Variants in DRICH1 observed in about 807,000 individuals in gnomAD.
DRICH1 encodes aspartate rich 1, also known as aspartate-rich protein 1.
DRICH1 carries 38 observed loss-of-function variants against 39.5 expected under a neutral mutation model. The ratio of observed to expected loss-of-function variants is 0.96; its 90% CI spans 0.74 to 1.26. DRICH1 has a LOEUF of 1.26. DRICH1 is among the 50% of genes most tolerant of loss of function. The pLI is 0.00. For missense variants in DRICH1, 279 were observed against 270.4 expected (o/e 1.03, Z -0.22); for synonymous variants, 84 against 99.5 (o/e 0.84, Z 0.93).
the DRICH1 span, among the ~76,000 whole-genome samples, chr22:23,592,635 A>T: frequency 6.6e-6 from 1 of 152,244 alleles, no homozygotes; most frequent in Non-Finnish European, 1.5e-5. Flanking sequence ...GAAGATGGGC[A>T]GAGAGAGGCT....
the DRICH1 span, among the ~76,000 whole-genome samples, chr22:23,589,089 GACACACACAC>G: frequency 0.11 from 15,364 of 143,876 alleles, 1,095 homozygotes; most frequent in African/African-American, 0.2. Context: ...TCTCCCAGCT[GACACACACAC>G]ACACACACAC....
chr22:23,593,596 C>G, the DRICH1 span, among the ~76,000 whole-genome samples: 2 of 152,170 alleles, frequency 1.3e-5, no homozygotes, highest in African/African-American at 2.4e-5. Context: ...GTCAAGAGAT[C>G]GAGACCATTC....
At chr22:23,599,576 G>A in the DRICH1 span, among the ~76,000 whole-genome samples, 1 of 152,214 alleles carries the variant, frequency 6.6e-6, no homozygotes, top group Non-Finnish European at 1.5e-5. Context: ...TCTCTGAGAT[G>A]ATCCCTCAGG....
At chr22:23,612,246 G>GTT (rs1569087303) in intron 11 of DRICH1, among the ~76,000 whole-genome samples, 5 of 151,892 alleles carry the variant, frequency 3.3e-5, no homozygotes, top group Non-Finnish European at 5.9e-5. Context: ...CGGGCAGATC[G>GTT]CCTGAGCTGA....
At chr22:23,628,275 T>TA (rs1315189341) in intron 1 of DRICH1, among the ~76,000 whole-genome samples, 1 of 152,080 alleles carries the variant, frequency 6.6e-6, no homozygotes, top group Non-Finnish European at 1.5e-5. Flanking sequence ...GTCCAGTTGA[T>TA]ACACACGTCA....
At chr22:23,585,608 C>G in the DRICH1 span, among the ~76,000 whole-genome samples, 5 of 152,102 alleles carry the variant, frequency 3.3e-5, no homozygotes, top group South Asian at 6.2e-4. Flanking sequence ...GTCTCCAACT[C>G]CTAGGCTCAA....
chr22:23,631,762 G>T, intron 1 of DRICH1, 54 bp downstream of exon 1: 3 of 1,401,432 alleles, frequency 2.1e-6, no homozygotes, highest in South Asian at 1.2e-5. Flanking sequence ...AGGGAAGGGG[G>T]TGGGGGTGGC....
At chr22:23,613,541 C>A in intron 10 of DRICH1, 98 bp downstream of exon 10, 1 of 1,046,488 alleles carries the variant, frequency 9.6e-7, no homozygotes, top group South Asian at 1.3e-5. Flanking sequence ...CACGAGAACC[C>A]CAAGCCTCTT....
At chr22:23,606,619 C>T (rs1391300640), downstream of DRICH1, among the ~76,000 whole-genome samples, 4 of 152,176 alleles carry the variant, frequency 2.6e-5, no homozygotes, top group South Asian at 2.1e-4. Flanking sequence ...GGGTGGGAAG[C>T]GGGGGCTTTC....
the DRICH1 span, among the ~76,000 whole-genome samples, chr22:23,600,080 A>G: frequency 6.6e-6 from 1 of 151,984 alleles, no homozygotes. Flanking sequence ...TGATGGAAAA[A>G]CGGATAAGTA....
At chr22:23,587,942 C>T in the DRICH1 span, among the ~76,000 whole-genome samples, 1 of 152,136 alleles carries the variant, frequency 6.6e-6, no homozygotes, top group Non-Finnish European at 1.5e-5. Flanking sequence ...GATCACCTTC[C>T]CTATCTGATC....
rs1927448624 is a variant in DRICH1 at position 23,617,720 on chromosome 22, G to A, written c.437-63C>T. ...TTTGTGACTGTGAGTCACTCAGGGA[G>A]CTTTGCTGGATGTGGTATATGGAGG... On this transcript the variant is annotated intron_variant, in intron 6 of 11. Transcript: ENST00000317749. 7.2e-6 allele frequency: 11 copies of A among 1,520,120 alleles called. No individual in the cohort carries two copies. The East Asian group carries it at 2.2e-4, about 31-fold the overall frequency. 94.2% of individuals were successfully genotyped at this position (1,520,120 alleles called of 1,614,324 possible). A position where few individuals can be genotyped will look rare whatever the true frequency, so the allele number is the denominator to read the frequency against.
At chr22:23,603,437 T>C in the DRICH1 span, among the ~76,000 whole-genome samples, 3 of 151,542 alleles carry the variant, frequency 2.0e-5, no homozygotes, top group African/African-American at 7.3e-5. Context: ...CTCCCTCCTC[T>C]AATCTGCTCT....
At chr22:23,609,718 C>T (rs995445192) in intron 11 of DRICH1, among the ~76,000 whole-genome samples, 1 of 152,184 alleles carries the variant, frequency 6.6e-6, no homozygotes, top group Admixed American at 6.5e-5. Context: ...CTCTCTGCCT[C>T]AGATTCAGGA....
intron 3 of DRICH1, among the ~76,000 whole-genome samples, chr22:23,623,170 G>C (rs1488190873): frequency 1.3e-5 from 2 of 152,124 alleles, no homozygotes; most frequent in African/African-American, 4.8e-5. Context: ...TTTTTGGGAG[G>C]CTGAGGCGGG....
intron 8 of DRICH1, among the ~76,000 whole-genome samples, chr22:23,615,716 T>C (rs1177632727): frequency 2.0e-5 from 3 of 152,198 alleles, no homozygotes; most frequent in Non-Finnish European, 4.4e-5. Flanking sequence ...GTTAAAACAA[T>C]AGTGTTAGAG....
chr22:23,624,930 A>G (rs1440007555), intron 2 of DRICH1, 26 bp from the exon 3 acceptor site: 1 of 1,612,368 alleles, frequency 6.2e-7, no homozygotes, highest in Non-Finnish European at 8.5e-7. Context: ...AGAAGATGCT[A>G]TGAGGATCAG....
At chr22:23,631,372 C>T (rs966219363) in intron 1 of DRICH1, among the ~76,000 whole-genome samples, 8 of 151,286 alleles carry the variant, frequency 5.3e-5, no homozygotes, top group South Asian at 4.2e-4. Flanking sequence ...GCTGAGATCC[C>T]GCCACTGCAC....
chr22:23,608,377 C>T (rs2123755879), downstream of DRICH1: 1 of 236,494 alleles, frequency 4.2e-6, no homozygotes, highest in Non-Finnish European at 8.3e-6. Flanking sequence ...TGACCCAGAT[C>T]GCCATCGATG....
Sources: gnomAD v4.1 joint callset for allele counts (sites outside exome capture counted in the v4.1 genomes callset) on GRCh38, gnomAD v4.1.1 for gene constraint, MANE v1.5 for transcripts, NCBI Gene and HGNC (gene_info 2026-07-23, HGNC 2026-07-21) for gene names.